The following TRIQK variants were observed in gnomAD, a reference collection of about 807,000 sequenced individuals.
TRIQK encodes triple QxxK/R motif-containing protein.
Under a neutral mutation model 10.8 loss-of-function variants are expected in TRIQK, and 10 were observed. The observed-to-expected ratio is 0.92, with a 90% CI of 0.57 to 1.57. The LOEUF (loss-of-function observed/expected upper bound fraction) is 1.57, where lower values mean the gene tolerates loss of function less well. Ranked by LOEUF, TRIQK falls within the 40% of genes most tolerant of loss-of-function variation. The pLI, the probability that TRIQK is intolerant of heterozygous loss-of-function variation, is 0.00. For synonymous variants in TRIQK, 33 were observed against 33.7 expected (o/e 0.98, Z 0.07); for missense variants, 107 against 97.7 (o/e 1.09, Z -0.40).
upstream of TRIQK, among the ~76,000 whole-genome samples, chr8:92,970,321 G>C (rs1812861809): frequency 1.3e-5 from 2 of 152,164 alleles, no homozygotes; most frequent in Admixed American, 6.5e-5. Flanking sequence ...CAATGGGATT[G>C]CTGAGTGGAA....
At chr8:92,908,242 GCTCA>G (rs1809383562) in intron 3 of TRIQK, among the ~76,000 whole-genome samples, 1 of 150,960 alleles carries the variant, frequency 6.6e-6, no homozygotes, top group African/African-American at 2.4e-5. Flanking sequence ...TTTTCTAGAA[GCTCA>G]CTGTTTCTTT....
chr8:92,920,859 T>C (rs1179881235), intron 2 of TRIQK, among the ~76,000 whole-genome samples: 1 of 151,724 alleles, frequency 6.6e-6, no homozygotes, highest in African/African-American at 2.4e-5. Flanking sequence ...TTTAAACCAA[T>C]ATACAGCAGT....
chr8:92,910,211 A>C (rs1449073569), intron 3 of TRIQK, among the ~76,000 whole-genome samples: 2 of 151,500 alleles, frequency 1.3e-5, no homozygotes, highest in East Asian at 3.8e-4. Context: ...CAATTAAAAA[A>C]ATATGTGAAA....
intron 2 of TRIQK, among the ~76,000 whole-genome samples, chr8:92,935,616 T>C (rs1415019892): frequency 6.6e-6 from 1 of 151,160 alleles, no homozygotes; most frequent in Non-Finnish European, 1.5e-5. Flanking sequence ...AATAAATAAT[T>C]AAATTTAAAA....
upstream of TRIQK, among the ~76,000 whole-genome samples, chr8:92,969,668 T>G (rs2130736320): frequency 6.6e-6 from 1 of 152,262 alleles, no homozygotes; most frequent in South Asian, 2.1e-4. Context: ...GGTATACATA[T>G]GCCATAGTGA....
intron 2 of TRIQK, among the ~76,000 whole-genome samples, chr8:92,949,937 G>A (rs1381330351): frequency 1.3e-5 from 2 of 151,874 alleles, no homozygotes; most frequent in Non-Finnish European, 2.9e-5. Flanking sequence ...TCTCACATTC[G>A]TTTTTGAGCT....
At chr8:93,007,040 C>G (rs1458096762) in intron 1 of TRIQK, among the ~76,000 whole-genome samples, 5 of 152,320 alleles carry the variant, frequency 3.3e-5, no homozygotes, top group Non-Finnish European at 5.9e-5. Context: ...GATCCCGTAC[C>G]TCCTGACTGG....
chr8:92,960,646 T>G (rs1297071147), intron 1 of TRIQK: 1 of 152,192 alleles, frequency 6.6e-6, no homozygotes, highest in South Asian at 2.1e-4. Context: ...ATAAGTCAGA[T>G]TGCTGCAATG....
In TRIQK at chr8:92,954,428, G is replaced by C. The variant is rs945954148; in HGVS notation, c.-44C>G. 5.3e-5 allele frequency: 8 copies of C among 152,036 alleles called. 1 individual carries two copies. In the South Asian group the frequency reaches 8.3e-4, roughly 16 times the overall value. The allele number at this position is 152,036 out of a possible 1,614,324, so 9.4% of individuals were successfully genotyped here. ...CACCTTGCGTTGTGTCTTTGATGCT[G>C]CCAAGTCTAAACTCTGGAGAGCTGC... On this transcript the variant is annotated 5_prime_UTR_variant, in exon 2 of 5. Coordinates refer to ENST00000521988, the MANE Select transcript of TRIQK (RefSeq NM_001171797.2).
At position 92,885,232 on chromosome 8, in the gene TRIQK, C is replaced by A. The variant is rs914495333; in HGVS notation, c.*1390G>T. The A allele has an allele frequency of 1.5e-5, 5 of 324,838 alleles. No individual in the cohort carries two copies. The highest frequency in any genetic ancestry group is 1.3e-4 in the South Asian group (5 of 38,216). 20.1% of individuals were successfully genotyped at this position (324,838 alleles called of 1,614,324 possible). On this transcript the variant is annotated 3_prime_UTR_variant, in exon 5 of 5. Coordinates refer to ENST00000521988, the MANE Select transcript of TRIQK (RefSeq NM_001171797.2). The stretch of plus-strand genomic sequence containing the variant: ...TACAGAACATAATGCTACACAGTCA[C>A]AGTCGACTTTTTGCAAAAGTACCAG...
chr8:92,948,180 C>G (rs1348691124), intron 2 of TRIQK, among the ~76,000 whole-genome samples: 1 of 152,058 alleles, frequency 6.6e-6, no homozygotes, highest in East Asian at 1.9e-4. Flanking sequence ...AAAATACATC[C>G]TAGGACCATT....
At chr8:92,913,426 C>T (rs892931986) in intron 3 of TRIQK, among the ~76,000 whole-genome samples, 2 of 152,180 alleles carry the variant, frequency 1.3e-5, no homozygotes, top group African/African-American at 4.8e-5. Flanking sequence ...GAGACACCAT[C>T]TCATGACAGT....
intron 2 of TRIQK, chr8:92,953,578 T>A (rs1586490524): frequency 6.6e-6 from 1 of 151,900 alleles, no homozygotes; most frequent in Non-Finnish European, 1.5e-5. Flanking sequence ...TATATATGGA[T>A]GAAGAGCAAT....
chr8:92,884,001 G>A lies in TRIQK; in HGVS notation c.*2621C>T, dbSNP rs1029782956. ...CAAACTTCAATCACAGTATTCCATA[G>A]GCTATATTTTAAGTCTATTGCATTA... On this transcript the variant is annotated 3_prime_UTR_variant, in exon 5 of 5. Coordinates refer to ENST00000521988, the MANE Select transcript of TRIQK (RefSeq NM_001171797.2). 6.6e-6 allele frequency: 1 copy of A among 151,676 alleles called. No homozygotes were observed. The highest frequency in any genetic ancestry group is 6.6e-5 in the Admixed American group (1 of 15,158). The allele number at this position is 151,676 out of a possible 1,614,324, so 9.4% of individuals were successfully genotyped here.
At chr8:92,985,702 A>C (rs985660555) in intron 1 of TRIQK, among the ~76,000 whole-genome samples, 3 of 152,170 alleles carry the variant, frequency 2.0e-5, no homozygotes, top group African/African-American at 7.2e-5. Context: ...TTTTAGTAAT[A>C]AAATGTTTGT....
chr8:92,902,172 T>A (rs1038306753), intron 3 of TRIQK, among the ~76,000 whole-genome samples: 11 of 152,128 alleles, frequency 7.2e-5, no homozygotes, highest in Non-Finnish European at 1.5e-4. Context: ...GCAGTCCTTG[T>A]GGCCTAGACT....
At chr8:92,930,222 C>T (rs1810641952) in intron 2 of TRIQK, among the ~76,000 whole-genome samples, 1 of 150,536 alleles carries the variant, frequency 6.6e-6, no homozygotes, top group Non-Finnish European at 1.5e-5. Context: ...ACCCACGTCT[C>T]TACTAAATAT....
At chr8:92,918,878 C>A (rs1223415504) in intron 2 of TRIQK, among the ~76,000 whole-genome samples, 6 of 151,304 alleles carry the variant, frequency 4.0e-5, no homozygotes, top group Admixed American at 4.0e-4. Context: ...GTCTTTAATC[C>A]ATTTTGAGTT....
At chr8:92,959,277 A>T (rs1812327544) in intron 1 of TRIQK, among the ~76,000 whole-genome samples, 2 of 151,780 alleles carry the variant, frequency 1.3e-5, no homozygotes, top group African/African-American at 4.8e-5. Context: ...ATCTATTCAT[A>T]CTCTTGGATT....
Sources: allele counts gnomAD v4.1 joint callset (sites outside exome capture counted in the v4.1 genomes callset), GRCh38; gene constraint gnomAD v4.1.1; transcripts MANE v1.5; gene names NCBI Gene and HGNC (gene_info 2026-07-23, HGNC 2026-07-21).